The following DLGAP2 variants were observed in gnomAD, a reference collection of about 807,000 sequenced individuals.
The protein encoded by DLGAP2 is disks large-associated protein 2.
DLGAP2 carries 26 observed loss-of-function variants against 100.3 expected under a neutral mutation model. That is an observed-to-expected ratio of 0.26 (90% CI 0.19 to 0.36). The LOEUF (loss-of-function observed/expected upper bound fraction) is 0.36. Among genes scored for constraint, DLGAP2 ranks in the 10% least tolerant of loss-of-function variants. The pLI, the probability that DLGAP2 is intolerant of heterozygous loss-of-function variation, is 1.00. For synonymous variants in DLGAP2, 886 were observed against 630.1 expected (o/e 1.41, Z -6.08); for missense variants, 1,858 against 1,453.2 (o/e 1.28, Z -4.53).
intron 8 of DLGAP2, among the ~76,000 whole-genome samples, chr8:1,661,062 A>G (rs531180178): frequency 6.6e-6 from 1 of 152,336 alleles, no homozygotes; most frequent in East Asian, 1.9e-4. Flanking sequence ...GGACAAATCC[A>G]TGTAAAGACA....
intron 3 of DLGAP2, among the ~76,000 whole-genome samples, chr8:1,493,576 T>C (rs543056996): frequency 9.2e-5 from 14 of 152,322 alleles, no homozygotes; most frequent in Admixed American, 2.6e-4. Context: ...CTGGTGAAGT[T>C]TCCCAGATTC....
intron 3 of DLGAP2, among the ~76,000 whole-genome samples, chr8:1,267,570 A>AG (rs61038728): frequency 1.0e-5 from 1 of 99,938 alleles, no homozygotes; most frequent in Admixed American, 1.0e-4. Flanking sequence ...AAATAAAATA[A>AG]AATAAAATAA....
At chr8:1,243,106 A>G (rs1798833668) in intron 2 of DLGAP2, among the ~76,000 whole-genome samples, 1 of 152,128 alleles carries the variant, frequency 6.6e-6, no homozygotes, top group Non-Finnish European at 1.5e-5. Flanking sequence ...GACTGCTTGA[A>G]TATTTGTCCT....
chr8:760,942 G>C (rs983056708), intron 1 of DLGAP2, among the ~76,000 whole-genome samples: 1 of 152,178 alleles, frequency 6.6e-6, no homozygotes, highest in Admixed American at 6.5e-5. Flanking sequence ...TTGAGAGGAA[G>C]AATATTCCAA....
chr8:1,192,391 A>G (rs1797658959), intron 2 of DLGAP2, among the ~76,000 whole-genome samples: 1 of 152,194 alleles, frequency 6.6e-6, no homozygotes, highest in Non-Finnish European at 1.5e-5. Flanking sequence ...TAACAGATGG[A>G]TCACCTCACT....
intron 1 of DLGAP2, among the ~76,000 whole-genome samples, chr8:788,479 C>T (rs564654278): frequency 3.3e-5 from 5 of 152,316 alleles, no homozygotes; most frequent in African/African-American, 1.2e-4. Context: ...TTTGGGGCTT[C>T]CCTGCAAGTT....
intron 7 of DLGAP2, among the ~76,000 whole-genome samples, chr8:1,630,881 TCGGCGGGAGG>T (rs1797624441): frequency 6.6e-6 from 1 of 151,268 alleles, no homozygotes. Flanking sequence ...CCCGAGGGTC[TCGGCGGGAGG>T]TCCGGGTGTC....
chr8:1,506,470 C>T lies in DLGAP2; in HGVS notation c.172+5039C>T, dbSNP rs116275758. Among the ~76,000 whole-genome samples the T allele has an allele frequency of 4.1e-3, 618 of 152,264 alleles. 1 individual carries two copies. The highest frequency in any genetic ancestry group is 0.014 in the African/African-American group (600 of 41,544). On this transcript the variant is annotated intron_variant, in intron 4 of 14. Coordinates refer to ENST00000637795, the MANE Select transcript of DLGAP2 (RefSeq NM_001346810.2). The stretch of plus-strand genomic sequence containing the variant: ...GGTCGGTTTGTGGTCTCAATGGCCT[C>T]AGGAGTGAAGCTGCAGATCTTCGCG...
chr8:1,570,389 T>C (rs1191055522), intron 6 of DLGAP2, among the ~76,000 whole-genome samples: 2 of 152,262 alleles, frequency 1.3e-5, no homozygotes, highest in Non-Finnish European at 2.9e-5. Flanking sequence ...CTGGGGGCTC[T>C]TTCAATCTAG....
At chr8:892,899 C>T (rs1036130816) in intron 1 of DLGAP2, 5 of 152,302 alleles carry the variant, frequency 3.3e-5, no homozygotes, top group Admixed American at 6.5e-5. Context: ...AGGGCATGGA[C>T]AGGTCCCCAC....
chr8:1,361,825 G>A (rs908796745), intron 3 of DLGAP2, among the ~76,000 whole-genome samples: 5 of 152,188 alleles, frequency 3.3e-5, no homozygotes, highest in Admixed American at 6.5e-5. Flanking sequence ...TAAGAGAAAC[G>A]TGCTCGCGGC....
In DLGAP2 at chr8:1,316,288, C is replaced by T. The variant is rs544830057; in HGVS notation, c.106+57405C>T. On this transcript the variant is annotated intron_variant, in intron 3 of 14. Transcript: ENST00000637795. ...TAGAGCGTGTGCGAGTGCAGCGTCTCTCCAACAGTGGTCTACACTCGAGAA... is the reference window on the plus strand; with the variant it reads ...TAGAGCGTGTGCGAGTGCAGCGTCTTTCCAACAGTGGTCTACACTCGAGAA... Among the ~76,000 whole-genome samples the T allele has an allele frequency of 4.7e-4, 64 of 135,686 alleles. 1 individual carries two copies. Among genetic ancestry groups the T allele is most frequent in the Middle Eastern group, 4.6e-3 (1 of 218 alleles). 89.0% of individuals were successfully genotyped at this position (135,686 alleles called of 152,430 possible). A position where few individuals can be genotyped will look rare whatever the true frequency, so the allele number is the denominator to read the frequency against.
intron 3 of DLGAP2, among the ~76,000 whole-genome samples, chr8:1,312,262 A>G (rs1246051243): frequency 2.0e-5 from 3 of 152,244 alleles, no homozygotes; most frequent in Non-Finnish European, 2.9e-5. Context: ...GAGGGAACCC[A>G]GGTGACTTTG....
At chr8:874,332 G>A (rs1230761602) in intron 1 of DLGAP2, among the ~76,000 whole-genome samples, 2 of 151,950 alleles carry the variant, frequency 1.3e-5, no homozygotes. Context: ...CTTCATAGAA[G>A]CATTTACAGC....
intron 2 of DLGAP2, among the ~76,000 whole-genome samples, chr8:950,458 A>G (rs971669302): frequency 6.6e-5 from 10 of 152,170 alleles, no homozygotes; most frequent in Non-Finnish European, 8.8e-5. Flanking sequence ...AGCACCATTT[A>G]TGAAGGAACA....
At position 1,459,273 on chromosome 8, in the gene DLGAP2, T is replaced by G. The variant is rs35102785; in HGVS notation, c.107-42093T>G. Among the ~76,000 whole-genome samples the G allele has an allele frequency of 1.3e-3, 50 of 37,210 alleles. 3 individuals are homozygous for G. The East Asian group carries it at 0.018, about 13-fold the overall frequency. The allele number at this position is 37,210 out of a possible 152,430, so 24.4% of individuals were successfully genotyped here. On this transcript the variant is annotated intron_variant, in intron 3 of 14. Coordinates refer to ENST00000637795, the MANE Select transcript of DLGAP2 (RefSeq NM_001346810.2). Reference sequence around the variant, plus strand: ...GACAGCCAGCTGGTTTACATGCATATACCTGAGGTGTCACCCTACAAGACC... The same window carrying G: ...GACAGCCAGCTGGTTTACATGCATAGACCTGAGGTGTCACCCTACAAGACC...
intron 2 of DLGAP2, among the ~76,000 whole-genome samples, chr8:1,076,047 G>A (rs750660812): frequency 6.6e-6 from 1 of 152,170 alleles, no homozygotes; most frequent in Non-Finnish European, 1.5e-5. Flanking sequence ...AAGAGAAAGA[G>A]GAATTCATAC....
At chr8:862,210 C>T (rs556355729) in intron 1 of DLGAP2, among the ~76,000 whole-genome samples, 95 of 152,232 alleles carry the variant, frequency 6.2e-4, no homozygotes, top group Non-Finnish European at 1.3e-3. Flanking sequence ...CTGAGTCGCA[C>T]CCAGATTCCC....
At chr8:1,439,860 C>A (rs1270253814) in intron 3 of DLGAP2, among the ~76,000 whole-genome samples, 1 of 152,126 alleles carries the variant, frequency 6.6e-6, no homozygotes. Context: ...CTGGAGGCCT[C>A]TTGTGTGAAG....
Sources: allele counts gnomAD v4.1 joint callset (sites outside exome capture counted in the v4.1 genomes callset), GRCh38; gene constraint gnomAD v4.1.1; transcripts MANE v1.5; gene names NCBI Gene and HGNC (gene_info 2026-07-23, HGNC 2026-07-21).